Variants in RAB38 observed in about 807,000 individuals in gnomAD.
The protein encoded by RAB38 is RAB38, member RAS oncogene family.
RAB38 carries 15 observed loss-of-function variants against 18.4 expected under a neutral mutation model. That is an observed-to-expected ratio of 0.82 (90% CI 0.55 to 1.26). RAB38 has a LOEUF of 1.26. RAB38 is among the 50% of genes most tolerant of loss of function. RAB38 has a pLI of 0.00. For synonymous variants in RAB38, 101 were observed against 104.4 expected, an observed-to-expected ratio of 0.97 and a Z score of 0.20; for missense variants, 294 against 267.4, an observed-to-expected ratio of 1.10 and a Z score of -0.69.
At chr11:88,064,404 C>A in the RAB38 span, among the ~76,000 whole-genome samples, 115,443 of 152,096 alleles carry the variant, frequency 0.76, 43,958 homozygotes, top group African/African-American at 0.79. Context: ...CATTCCCAAG[C>A]CTGGCCTGCT....
the RAB38 span, among the ~76,000 whole-genome samples, chr11:88,019,388 T>C: frequency 6.6e-6 from 1 of 152,054 alleles, no homozygotes; most frequent in Non-Finnish European, 1.5e-5. Context: ...CAGAGTCCAA[T>C]TCATTCTCAC....
the RAB38 span, among the ~76,000 whole-genome samples, chr11:87,887,211 G>T: frequency 6.6e-6 from 1 of 151,890 alleles, no homozygotes; most frequent in African/African-American, 2.4e-5. Context: ...TGCAGTGAGT[G>T]GTTTATTTGA....
chr11:88,021,714 T>C, the RAB38 span, among the ~76,000 whole-genome samples: 4,906 of 150,722 alleles, frequency 0.033, 214 homozygotes, highest in South Asian at 0.073. Flanking sequence ...CCTCAGCCTT[T>C]CAAGAGCTGA....
chr11:88,082,861 T>C, the RAB38 span, among the ~76,000 whole-genome samples: 3 of 152,010 alleles, frequency 2.0e-5, no homozygotes, highest in African/African-American at 7.2e-5. Context: ...TAAATCAGAT[T>C]ATTTAACTTT....
At chr11:88,072,499 A>G in the RAB38 span, among the ~76,000 whole-genome samples, 1 of 152,212 alleles carries the variant, frequency 6.6e-6, no homozygotes, top group Non-Finnish European at 1.5e-5. Flanking sequence ...GAGAGAGAAA[A>G]TGGCACAGAA....
At chr11:88,144,277 T>C (rs929973522) in intron 2 of RAB38, among the ~76,000 whole-genome samples, 1 of 152,200 alleles carries the variant, frequency 6.6e-6, no homozygotes, top group African/African-American at 2.4e-5. Flanking sequence ...ATTAAGTCAG[T>C]GGAGGTATAT....
chr11:87,872,707 G>A, the RAB38 span, among the ~76,000 whole-genome samples: 1 of 151,418 alleles, frequency 6.6e-6, no homozygotes, highest in African/African-American at 2.4e-5. Flanking sequence ...TTACTTAATA[G>A]TATTTAGCCT....
intron 1 of RAB38, among the ~76,000 whole-genome samples, chr11:88,159,051 A>G (rs1034696139): frequency 1.3e-5 from 2 of 151,920 alleles, no homozygotes; most frequent in Non-Finnish European, 2.9e-5. Context: ...TGACTTCAGT[A>G]AAATTTCAGG....
the RAB38 span, among the ~76,000 whole-genome samples, chr11:87,915,400 G>A: frequency 5.3e-5 from 8 of 152,100 alleles, no homozygotes; most frequent in African/African-American, 1.4e-4. Context: ...CCAAGATGGC[G>A]ACAAAACTGA....
chr11:88,158,525 A>G (rs1365825643), intron 1 of RAB38, among the ~76,000 whole-genome samples: 1 of 152,180 alleles, frequency 6.6e-6, no homozygotes, highest in Non-Finnish European at 1.5e-5. Flanking sequence ...AAATTCCTCA[A>G]CAAAACACTA....
the RAB38 span, among the ~76,000 whole-genome samples, chr11:87,892,784 G>A: frequency 2.9e-3 from 441 of 151,866 alleles, 2 homozygotes; most frequent in African/African-American, 0.01. Context: ...AAAGTCTTGT[G>A]TATTCTCTTC....
At chr11:88,039,562 T>C in the RAB38 span, among the ~76,000 whole-genome samples, 2 of 152,294 alleles carry the variant, frequency 1.3e-5, no homozygotes, top group East Asian at 1.9e-4. Flanking sequence ...AGCTGTCTCC[T>C]TTCTTCTTGA....
chr11:87,842,030 G>A, the RAB38 span, among the ~76,000 whole-genome samples: 1 of 152,056 alleles, frequency 6.6e-6, no homozygotes. Flanking sequence ...GTCACAGAAA[G>A]GGAAGGGTGT....
At chr11:87,897,761 C>G in the RAB38 span, among the ~76,000 whole-genome samples, 27 of 151,722 alleles carry the variant, frequency 1.8e-4, no homozygotes, top group African/African-American at 6.5e-4. Context: ...GTTTCCTCTT[C>G]CACTTTTAAT....
At chr11:87,889,995 T>C in the RAB38 span, among the ~76,000 whole-genome samples, 1 of 151,810 alleles carries the variant, frequency 6.6e-6, no homozygotes, top group African/African-American at 2.4e-5. Context: ...TGATAGAATA[T>C]TGTATGTATT....
chr11:88,084,752 G>T, the RAB38 span, among the ~76,000 whole-genome samples: 2 of 151,278 alleles, frequency 1.3e-5, no homozygotes, highest in African/African-American at 4.9e-5. Flanking sequence ...AGTTATTTTG[G>T]GTTTGTCTTT....
the RAB38 span, among the ~76,000 whole-genome samples, chr11:88,010,206 A>G: frequency 6.6e-6 from 1 of 152,150 alleles, no homozygotes; most frequent in Non-Finnish European, 1.5e-5. Context: ...TACACACTTG[A>G]CTTATGCTGT....
At chr11:87,959,578 T>C in the RAB38 span, among the ~76,000 whole-genome samples, 2 of 152,198 alleles carry the variant, frequency 1.3e-5, no homozygotes, top group Non-Finnish European at 2.9e-5. Context: ...TGAATTTGTA[T>C]AAGGTAGCTG....
the RAB38 span, among the ~76,000 whole-genome samples, chr11:88,012,212 G>A: frequency 1.3e-5 from 2 of 152,202 alleles, no homozygotes; most frequent in African/African-American, 2.4e-5. Flanking sequence ...TGAAGCTGAC[G>A]ATCACACAGC....
Sources: allele counts gnomAD v4.1 joint callset (sites outside exome capture counted in the v4.1 genomes callset), GRCh38; gene constraint gnomAD v4.1.1; transcripts MANE v1.5; gene names NCBI Gene and HGNC (gene_info 2026-07-23, HGNC 2026-07-21).